The following TMEM236 variants were observed in gnomAD, a reference collection of about 807,000 sequenced individuals.
The protein encoded by TMEM236 is transmembrane protein 236.
A neutral mutation model predicts 14.7 loss-of-function variants in TMEM236; 11 were observed. That is an observed-to-expected ratio of 0.75 (90% CI 0.47 to 1.24). The LOEUF is 1.24. Among genes scored for constraint, TMEM236 ranks in the 50% most tolerant of loss-of-function variants. The pLI, the probability that TMEM236 is intolerant of heterozygous loss-of-function variation, is 0.00. For missense variants in TMEM236, 464 were observed against 427.3 expected (o/e 1.09, Z -0.76); for synonymous variants, 182 against 168.6 (o/e 1.08, Z -0.62).
At chr10:17,759,939 C>T (rs1355122602) in intron 1 of TMEM236, among the ~76,000 whole-genome samples, 6 of 140,464 alleles carry the variant, frequency 4.3e-5, no homozygotes, top group African/African-American at 1.6e-4. Context: ...GCCGAGATAG[C>T]GCCGCTGCAG....
At chr10:17,768,086 G>GTTTTTTTTTTTTTTTTTTTTTTTT (rs879036347) in intron 1 of TMEM236, among the ~76,000 whole-genome samples, 7 of 92,016 alleles carry the variant, frequency 7.6e-5, no homozygotes, top group Admixed American at 2.4e-4. Context: ...AATTTTTGTG[G>GTTTTTTTTTTTTTTTTTTTTTTTT]TTTTTTTTTT....
intron 1 of TMEM236, among the ~76,000 whole-genome samples, chr10:17,769,097 A>G (rs1303093743): frequency 2.0e-5 from 3 of 151,786 alleles, no homozygotes; most frequent in African/African-American, 7.2e-5. Context: ...AGCAGTGACA[A>G]GACGTGTTTT....
Position 17,752,652 on chromosome 10 carries a change from C to T in TMEM236, c.257+100C>T, listed in dbSNP as rs1402993515. The T allele has an allele frequency of 1.8e-5, 22 of 1,208,106 alleles. No homozygotes were observed. In the Admixed American group the frequency reaches 3.0e-4, roughly 16 times the overall value. 74.8% of individuals were successfully genotyped at this position (1,208,106 alleles called of 1,614,324 possible). The stretch of plus-strand genomic sequence containing the variant: ...GGCAGTCTTGGCTCACTGCAACGTC[C>T]GCCTCCTGGGTTCAAGTGATTCTCC... On this transcript the variant is annotated intron_variant, in intron 1 of 3. Coordinates refer to ENST00000377495, the MANE Select transcript of TMEM236 (RefSeq NM_001098844.3).
intron 3 of TMEM236, among the ~76,000 whole-genome samples, chr10:17,789,761 G>A (rs1334172346): frequency 6.6e-6 from 1 of 151,998 alleles, no homozygotes; most frequent in Non-Finnish European, 1.5e-5. Flanking sequence ...GGTGGCTCAC[G>A]CCTGTAATCG....
chr10:17,796,533 T>G lies in TMEM236; in HGVS notation c.*29T>G. The G allele has an allele frequency of 6.5e-7, 1 of 1,538,018 alleles. No individual in the cohort carries two copies. The highest frequency in any genetic ancestry group is 1.7e-5 in the Admixed American group (1 of 59,842). ...GGAAATGGGATCTAGTAAGGCCTCT[T>G]TGTGATACCTGTGTGCACATTTGTA... is the stretch of plus-strand genomic sequence containing the variant. On this transcript the variant is annotated 3_prime_UTR_variant, in exon 4 of 4. Transcript: ENST00000377495.
In TMEM236 at chr10:17,796,639, A is replaced by G. The variant is rs1589155390; in HGVS notation, c.*135A>G. 8.1e-6 allele frequency: 6 copies of G among 744,392 alleles called. No homozygotes were observed. In the South Asian group the frequency reaches 1.1e-4, roughly 13 times the overall value. The allele number at this position is 744,392 out of a possible 1,614,324, so 46.1% of individuals were successfully genotyped here. On this transcript the variant is annotated 3_prime_UTR_variant, in exon 4 of 4. Coordinates refer to ENST00000377495, the MANE Select transcript of TMEM236 (RefSeq NM_001098844.3). The stretch of plus-strand genomic sequence containing the variant: ...TTGTAGAGAATAAGCCATTTTTACT[A>G]ACTCTAGCATATCAGTTTTTTTTTT...
chr10:17,752,594 T>G, intron 1 of TMEM236, 42 bp downstream of exon 1: 2 of 1,592,434 alleles, frequency 1.3e-6, no homozygotes, highest in Middle Eastern at 1.7e-4. Flanking sequence ...TGATTTGGAG[T>G]CTCGCTCTGT....
intron 1 of TMEM236, among the ~76,000 whole-genome samples, chr10:17,768,834 A>T (rs552918129): frequency 6.6e-6 from 1 of 152,222 alleles, no homozygotes; most frequent in East Asian, 1.9e-4. Flanking sequence ...TACAGCATGT[A>T]GACTAGGGTA....
intron 3 of TMEM236, among the ~76,000 whole-genome samples, chr10:17,789,907 C>T (rs1424374070): frequency 6.6e-6 from 1 of 152,046 alleles, no homozygotes; most frequent in African/African-American, 2.4e-5. Flanking sequence ...GCCTGTAGTC[C>T]CAGCTACTCG....
intron 3 of TMEM236, among the ~76,000 whole-genome samples, chr10:17,782,400 CT>C (rs1390615778): frequency 2.7e-5 from 4 of 145,860 alleles, no homozygotes; most frequent in African/African-American, 7.8e-5. Context: ...TGCAACTCTT[CT>C]TTTTTTCTTA....
chr10:17,783,978 A>T (rs899284055), intron 3 of TMEM236, among the ~76,000 whole-genome samples: 5 of 151,302 alleles, frequency 3.3e-5, no homozygotes, highest in Non-Finnish European at 7.4e-5. Flanking sequence ...CATGAGTTCT[A>T]TAAATAGTAA....
chr10:17,786,967 C>T (rs1033396552), intron 3 of TMEM236, among the ~76,000 whole-genome samples: 1 of 152,216 alleles, frequency 6.6e-6, no homozygotes, highest in Non-Finnish European at 1.5e-5. Context: ...TCTTCATTCT[C>T]TCTTGCTGCC....
intron 1 of TMEM236, among the ~76,000 whole-genome samples, chr10:17,769,595 T>C (rs1589144032): frequency 6.6e-6 from 1 of 152,138 alleles, no homozygotes; most frequent in South Asian, 2.1e-4. Flanking sequence ...GCTTGTCCAA[T>C]CTTACTTAGA....
intron 3 of TMEM236, among the ~76,000 whole-genome samples, chr10:17,795,492 T>G: frequency 6.6e-6 from 1 of 152,170 alleles, no homozygotes; most frequent in South Asian, 2.1e-4. Flanking sequence ...TATTATGGAG[T>G]GGTAAAAAAT....
chr10:17,772,821 T>C (rs1221444420), intron 2 of TMEM236, among the ~76,000 whole-genome samples: 1 of 152,202 alleles, frequency 6.6e-6, no homozygotes, highest in Admixed American at 6.5e-5. Flanking sequence ...TCACTCTTTT[T>C]TTATGCTCCT....
At chr10:17,786,894 C>T (rs1286134212) in intron 3 of TMEM236, among the ~76,000 whole-genome samples, 1 of 152,118 alleles carries the variant, frequency 6.6e-6, no homozygotes, top group Non-Finnish European at 1.5e-5. Flanking sequence ...ATGCTATTCT[C>T]GTGATAGTGA....
intron 3 of TMEM236, among the ~76,000 whole-genome samples, chr10:17,780,842 A>T (rs1417309366): frequency 2.0e-5 from 3 of 152,226 alleles, no homozygotes; most frequent in Non-Finnish European, 4.4e-5. Context: ...GGGCTCCTAA[A>T]TGGGAATTCC....
rs1010299871 is a variant in TMEM236, at chr10:17,796,648, A to G, written c.*144A>G. On this transcript the variant is annotated 3_prime_UTR_variant, in exon 4 of 4. Coordinates refer to ENST00000377495, the MANE Select transcript of TMEM236 (RefSeq NM_001098844.3). Reference sequence around the variant, plus strand: ...ATAAGCCATTTTTACTAACTCTAGCATATCAGTTTTTTTTTTTACATATAC... The same window carrying G: ...ATAAGCCATTTTTACTAACTCTAGCGTATCAGTTTTTTTTTTTACATATAC... The G allele has an allele frequency of 4.4e-6, 3 of 677,432 alleles. No homozygotes were observed. Among genetic ancestry groups the G allele is most frequent in the African/African-American group, 4.4e-5 (2 of 45,728 alleles). The allele number at this position is 677,432 out of a possible 1,614,324, so 42.0% of individuals were successfully genotyped here. A position where few individuals can be genotyped will look rare whatever the true frequency, so the allele number is the denominator to read the frequency against.
intron 1 of TMEM236, among the ~76,000 whole-genome samples, chr10:17,763,966 C>T (rs1004209387): frequency 2.6e-5 from 4 of 151,962 alleles, no homozygotes; most frequent in South Asian, 2.1e-4. Flanking sequence ...GTGGGGTTGT[C>T]GTATGTAAAA....
Sources: gnomAD v4.1 joint callset for allele counts (sites outside exome capture counted in the v4.1 genomes callset) on GRCh38, gnomAD v4.1.1 for gene constraint, MANE v1.5 for transcripts, NCBI Gene and HGNC (gene_info 2026-07-23, HGNC 2026-07-21) for gene names.